ADAMTS7: variants seen among roughly 807,000 people sequenced by gnomAD.
The protein encoded by ADAMTS7 is ADAM metallopeptidase with thrombospondin type 1 motif 7, also known as A disintegrin and metalloproteinase with thrombospondin motifs 7.
In ADAMTS7, 89 loss-of-function variants were observed where a neutral mutation model predicts 172.6. The ratio of observed to expected loss-of-function variants is 0.52; its 90% confidence interval spans 0.43 to 0.61. ADAMTS7 has a LOEUF of 0.61. ADAMTS7 is among the 20% of genes least tolerant of loss of function. The pLI, the probability that ADAMTS7 is intolerant of heterozygous loss-of-function variation, is 0.00. For synonymous variants in ADAMTS7, 885 were observed against 978.4 expected (o/e 0.90, Z 1.78); for missense variants, 1,973 against 2,355.6 (o/e 0.84, Z 3.36).
At chr15:78,768,812 G>A (rs778901233) in intron 16 of ADAMTS7, among the ~76,000 whole-genome samples, 3 of 152,168 alleles carry the variant, frequency 2.0e-5, no homozygotes, top group Non-Finnish European at 2.9e-5. Context: ...ACCCAAAGAG[G>A]AGGACCACAA....
intron 8 of ADAMTS7, among the ~76,000 whole-genome samples, chr15:78,787,900 G>C (rs1483100397): frequency 2.6e-5 from 4 of 152,044 alleles, no homozygotes; most frequent in Admixed American, 2.6e-4. Context: ...ACCGCTACAG[G>C]CCTTTCTCAG....
chr15:78,765,628 C>G lies in ADAMTS7; in HGVS notation c.4266+17G>C. The G allele has an allele frequency of 1.2e-6, 2 of 1,603,528 alleles. No individual in the cohort carries two copies. Among genetic ancestry groups the G allele is most frequent in the Non-Finnish European group, 1.7e-6 (2 of 1,175,598 alleles). ...GTCCTGCGCAAACTCCCTGCCCGCC[C>G]AGCCCACACCACTTGCCTCGCTCCA... On this transcript the variant is annotated intron_variant, in intron 19 of 23. Transcript: ENST00000388820.
In ADAMTS7 at chr15:78,798,095, A is replaced by T. The variant is rs1270006732; in HGVS notation, c.475T>A (p.Ser159Thr). The change falls in exon 3 of 24, where the codon TCC (serine) becomes ACC (threonine). Residue 159 changes from serine to threonine, a missense_variant. Around this residue, in one of 8 missense-constraint regions of ADAMTS7, gnomAD observed 306 missense variants for 288.0 expected, o/e 1.06. Transcript: ENST00000388820. Reference protein sequence around the residue: ...CDGLKGVFQLSNEDYFIEPLD... With the variant: ...CDGLKGVFQLTNEDYFIEPLD... ...GGCTCAATGAAGTAGTCCTCGTTGGAGAGCTGGAACACACCTTTCTGGGGA... is the reference window on the plus strand; with the variant it reads ...GGCTCAATGAAGTAGTCCTCGTTGGTGAGCTGGAACACACCTTTCTGGGGA... 6.4e-7 allele frequency: 1 copy of T among 1,559,158 alleles called. No individual in the cohort carries two copies. Among genetic ancestry groups the T allele is most frequent in the South Asian group, 1.2e-5 (1 of 83,310 alleles).
intron 5 of ADAMTS7, 101 bp downstream of exon 5, chr15:78,791,039 T>C: frequency 7.0e-7 from 1 of 1,419,870 alleles, no homozygotes; most frequent in Non-Finnish European, 9.7e-7. Flanking sequence ...CAAGGCGGCC[T>C]TCACTGTGCC....
At chr15:78,794,624 G>C (rs575785270) in intron 4 of ADAMTS7, among the ~76,000 whole-genome samples, 23 of 152,394 alleles carry the variant, frequency 1.5e-4, no homozygotes, top group African/African-American at 5.5e-4. Flanking sequence ...AAGGCAGCCA[G>C]GAAGGGGCCA....
In ADAMTS7 at chr15:78,765,977, G is replaced by C. The variant is rs781084373; in HGVS notation, c.3934C>G (p.Pro1312Ala). ...EMKVRDSSLE[P>A]GTPSFPTPGP... ...GGGGTTGGGAAGGAGGGAGTCCCCG[G>C]CTCCAGGGAACTGTCCCTGACCTTC... The change falls in exon 19 of 24, where the codon CCG becomes GCG. Residue 1312 changes from proline (P) to alanine (A), a missense_variant. Pro to Ala is a conservative substitution (Grantham distance 27). This residue lies in a region of ADAMTS7 where 771 missense variants were observed against 952.6 expected (regional missense o/e 0.81). Transcript: ENST00000388820. 131 of 1,596,186 alleles carry C rather than the reference G, an allele frequency of 8.2e-5. 1 individual carries two copies. In the Middle Eastern group the frequency reaches 4.5e-3, roughly 55 times the overall value.
Position 78,767,069 on chromosome 15 carries a change from G to T in ADAMTS7, c.2860-18C>A, listed in dbSNP as rs759924460. On this transcript the variant is annotated intron_variant, in intron 18 of 23. Coordinates refer to ENST00000388820, the MANE Select transcript of ADAMTS7 (RefSeq NM_014272.5). ...ACTGAGCACTGCAGGGGAAGCCAGG[G>T]TGAGGGGCTTACCCTGGGAGGCAGG... 9 of 1,525,038 alleles carry T rather than the reference G, an allele frequency of 5.9e-6. No individual in the cohort carries two copies. Among genetic ancestry groups the T allele is most frequent in the Middle Eastern group, 2.1e-4 (1 of 4,654 alleles). The allele number at this position is 1,525,038 out of a possible 1,614,324, so 94.5% of individuals were successfully genotyped here.
At position 78,762,585 on chromosome 15, in the gene ADAMTS7, A is replaced by T. The variant is rs1254135066; in HGVS notation, c.4741-20T>A. ...TGAGCACTGAGGGGAGCGGGGGAGG[A>T]ATGAGTGTCTCCAGGGCCAGCCCTA... On this transcript the variant is annotated intron_variant, in intron 22 of 23. Transcript: ENST00000388820. 2 of 1,397,152 alleles carry T rather than the reference A, an allele frequency of 1.4e-6. No individual in the cohort carries two copies. Among genetic ancestry groups the T allele is most frequent in the East Asian group, 2.6e-5 (1 of 38,198 alleles). 86.5% of individuals were successfully genotyped at this position (1,397,152 alleles called of 1,614,324 possible). A position where few individuals can be genotyped will look rare whatever the true frequency, so the allele number is the denominator to read the frequency against.
At chr15:78,768,325 C>G in intron 16 of ADAMTS7, 66 bp from the exon 17 acceptor site, 1 of 1,601,534 alleles carries the variant, frequency 6.2e-7, no homozygotes. Context: ...CCCAAAGACA[C>G]CCTCTCTGCC....
chr15:78,782,892 G>A lies in ADAMTS7; in HGVS notation c.1323-5304C>T, dbSNP rs185454927. On this transcript the variant is annotated intron_variant, in intron 8 of 23. Coordinates refer to ENST00000388820, the MANE Select transcript of ADAMTS7 (RefSeq NM_014272.5). ...GCCACCTGCCACCCAGCAGAGGGCC[G>A]GGGATCACTCCCTGGGGAGGGTGAA... Among the ~76,000 whole-genome samples, 1,225 of 151,680 alleles carry A rather than the reference G, an allele frequency of 8.1e-3. 2 individuals carry two copies. Among genetic ancestry groups the A allele is most frequent in the East Asian group, 0.021 (107 of 5,156 alleles).
intron 8 of ADAMTS7, among the ~76,000 whole-genome samples, chr15:78,782,567 T>C (rs374318394): frequency 3.9e-5 from 6 of 151,984 alleles, no homozygotes; most frequent in African/African-American, 1.4e-4. Context: ...GTAGAGGAAA[T>C]AAACAAGGCA....
intron 23 of ADAMTS7, among the ~76,000 whole-genome samples, chr15:78,759,881 C>T (rs567644378): frequency 9.8e-5 from 15 of 152,292 alleles, no homozygotes; most frequent in Middle Eastern, 3.4e-3. Context: ...CCCAGGGCGA[C>T]GCCTTGCCAC....
chr15:78,801,306 C>T lies in ADAMTS7; in HGVS notation c.101-759G>A, dbSNP rs118163846. ...ACCTCTCCAATCTCATGTCCAGCTA[C>T]ACAGCCTTAGTTCCCTCCACTCCAC... On this transcript the variant is annotated intron_variant, in intron 1 of 23. Transcript: ENST00000388820. 3.9e-4 allele frequency among the ~76,000 whole-genome samples: 59 copies of T among 152,326 alleles called. No individual in the cohort carries two copies. In the East Asian group the frequency reaches 0.011, roughly 28 times the overall value.
rs142667496 is a variant in ADAMTS7, at chr15:78,760,174, C to T, written c.4904-596G>A. On this transcript the variant is annotated intron_variant, in intron 23 of 23. Coordinates refer to ENST00000388820, the MANE Select transcript of ADAMTS7 (RefSeq NM_014272.5). ...GTGAGTGGGCCTTACAGGCCGTCAG[C>T]GGAAACCAGAGACTGAGCCCAGCCT... Among the ~76,000 whole-genome samples, 1,249 of 152,100 alleles carry T rather than the reference C, an allele frequency of 8.2e-3. 12 individuals carry two copies. Among genetic ancestry groups the T allele is most frequent in the Non-Finnish European group, 0.014 (939 of 67,956 alleles).
At chr15:78,807,604 C>T (rs2055813329) in intron 1 of ADAMTS7, among the ~76,000 whole-genome samples, 1 of 152,186 alleles carries the variant, frequency 6.6e-6, no homozygotes, top group African/African-American at 2.4e-5. Flanking sequence ...CTCAGAATCT[C>T]AGTTTCTCCA....
intron 8 of ADAMTS7, 142 bp from the exon 9 acceptor site, chr15:78,777,730 T>C: frequency 8.9e-7 from 1 of 1,119,750 alleles, no homozygotes; most frequent in South Asian, 1.6e-5. Context: ...CCCGCTCGGC[T>C]CAGCCGATCC....
chr15:78,791,239 G>C lies in ADAMTS7; in HGVS notation c.820-16C>G. On this transcript the variant is annotated splice_polypyrimidine_tract_variant and intron_variant, in intron 4 of 23. Coordinates refer to ENST00000388820, the MANE Select transcript of ADAMTS7 (RefSeq NM_014272.5). ...GGCCAGCCACCTGCCCAAGAGATGG[G>C]GGGGTCAGGTTGTCACGAGGATGAA... The C allele has an allele frequency of 6.2e-7, 1 of 1,609,706 alleles. No homozygotes were observed.
intron 8 of ADAMTS7, among the ~76,000 whole-genome samples, chr15:78,778,861 AAG>A (rs746547757): frequency 6.6e-6 from 1 of 152,108 alleles, no homozygotes; most frequent in Non-Finnish European, 1.5e-5. Context: ...CAGGGAGAGA[AAG>A]AGACACTCCG....
At chr15:78,785,996 C>T (rs374074144) in intron 8 of ADAMTS7, among the ~76,000 whole-genome samples, 59 of 83,020 alleles carry the variant, frequency 7.1e-4, no homozygotes, top group Middle Eastern at 8.2e-3. Context: ...GTGGCGCGAT[C>T]TTGGCTCACT....
Sources: allele counts gnomAD v4.1 joint callset (sites outside exome capture counted in the v4.1 genomes callset), GRCh38; gene constraint gnomAD v4.1.1; regional missense constraint gnomAD v4.1.1; transcripts MANE v1.5; gene names NCBI Gene and HGNC (gene_info 2026-07-23, HGNC 2026-07-21).